The following VAV1 variants were observed in gnomAD, a reference collection of about 807,000 sequenced individuals.
VAV1 encodes vav guanine nucleotide exchange factor 1.
A neutral mutation model predicts 128.1 loss-of-function variants in VAV1; 33 were observed. The observed-to-expected ratio is 0.26, with a 90% CI of 0.20 to 0.34. The LOEUF (loss-of-function observed/expected upper bound fraction) is 0.34, where lower values mean the gene tolerates loss of function less well. Among genes scored for constraint, VAV1 ranks in the 10% least tolerant of loss-of-function variants. The pLI is 1.00. For missense variants in VAV1, 715 were observed against 1,093.7 expected (o/e 0.65, Z 4.88); for synonymous variants, 394 against 409.8 (o/e 0.96, Z 0.47).
chr19:6,833,833 G>T (rs962323927), intron 18 of VAV1, 75 bp from the exon 19 acceptor site: 3 of 1,613,536 alleles, frequency 1.9e-6, no homozygotes, highest in Non-Finnish European at 2.5e-6. Context: ...CCTTTGTGGG[G>T]TGAGGAGAGT....
intron 24 of VAV1, 115 bp downstream of exon 24, chr19:6,850,872 C>G: frequency 1.1e-6 from 1 of 916,464 alleles, no homozygotes; most frequent in African/African-American, 1.7e-5. Context: ...TCCAGTGGCA[C>G]TACAGTGCAA....
chr19:6,786,569 G>C (rs1052595528), intron 1 of VAV1, among the ~76,000 whole-genome samples: 1 of 152,116 alleles, frequency 6.6e-6, no homozygotes, highest in African/African-American at 2.4e-5. Flanking sequence ...GATCACTTGA[G>C]CCCAAAAGTT....
Position 6,820,755 on chromosome 19 carries a change from C to T in VAV1, c.258C>T (p.Phe86=), listed in dbSNP as rs534653385. ...RTFLSTCCEK[F]GLKRSELFEA... ...TCCTGTCCACCTGCTGTGAGAAGTT[C>T]GGCCTCAAGCGGAGCGAGCTCTTCG... Residue 86 remains phenylalanine (F), a synonymous_variant, in exon 2 of 27, where the codon TTC becomes TTT. Coordinates refer to ENST00000602142, the MANE Select transcript of VAV1 (RefSeq NM_005428.4). The surrounding 1 kb of genome is among the most constrained non-coding windows in gnomAD (Gnocchi z 4.4). 126 of 1,614,042 alleles carry T rather than the reference C, an allele frequency of 7.8e-5. No individual in the cohort carries two copies. In the Middle Eastern group the frequency reaches 8.2e-4, roughly 11 times the overall value.
Position 6,822,718 on chromosome 19 carries a change from A to T in VAV1, c.654+204A>T, listed in dbSNP as rs556019739. On this transcript the variant is annotated intron_variant, in intron 6 of 26. Transcript: ENST00000602142. The surrounding 1 kb of genome is among the most constrained non-coding windows in gnomAD (Gnocchi z 5.9). ...AGTCTGACGTATATATATATTAAAA[A>T]ATATATATAAAATATAGGACACTGC... Among the ~76,000 whole-genome samples, 11 of 148,828 alleles carry T rather than the reference A, an allele frequency of 7.4e-5. No homozygotes were observed. In the East Asian group the frequency reaches 1.4e-3, roughly 18 times the overall value.
In VAV1 at chr19:6,772,805, G is replaced by T; in HGVS notation, c.-3G>T. 10 of 1,612,688 alleles carry T rather than the reference G, an allele frequency of 6.2e-6. No individual in the cohort carries two copies. The highest frequency in any genetic ancestry group is 8.5e-6 in the Non-Finnish European group (10 of 1,179,530). On this transcript the variant is annotated 5_prime_UTR_variant, in exon 1 of 27. Transcript: ENST00000602142. The surrounding 1 kb of genome is among the most constrained non-coding windows in gnomAD (Gnocchi z 4.8). ...CACGGCCGGCCCTGGGCAGGCGGTA[G>T]CCATGGAGCTGTGGCGCCAATGCAC...
intron 1 of VAV1, among the ~76,000 whole-genome samples, chr19:6,800,299 C>T (rs1971237441): frequency 7.0e-6 from 1 of 143,462 alleles, no homozygotes; most frequent in Non-Finnish European, 1.5e-5. Context: ...CTCTTCTTTG[C>T]TTCACTATCT....
chr19:6,807,860 A>T (rs887547797), intron 1 of VAV1, among the ~76,000 whole-genome samples: 5 of 151,674 alleles, frequency 3.3e-5, no homozygotes, highest in African/African-American at 9.7e-5. Flanking sequence ...GCTTGGTGGC[A>T]CACACCTGTA....
At chr19:6,834,270 G>T (rs1243753174) in intron 19 of VAV1, among the ~76,000 whole-genome samples, 5 of 151,446 alleles carry the variant, frequency 3.3e-5, no homozygotes, top group Non-Finnish European at 7.4e-5. Context: ...TGGAGATGGA[G>T]TCTTGCTGTG....
intron 1 of VAV1, among the ~76,000 whole-genome samples, chr19:6,817,381 TTATGG>T (rs1343664866): frequency 3.9e-5 from 6 of 151,960 alleles, no homozygotes; most frequent in Non-Finnish European, 8.8e-5. Context: ...GCAAATATTG[TTATGG>T]TAGGGGCACA....
At chr19:6,852,517 C>T (rs910606003) in intron 24 of VAV1, among the ~76,000 whole-genome samples, 2 of 152,018 alleles carry the variant, frequency 1.3e-5, no homozygotes, top group Non-Finnish European at 2.9e-5. Flanking sequence ...GTCAGGAGAT[C>T]GAGACCATCC....
chr19:6,816,089 G>A (rs766357198), intron 1 of VAV1, among the ~76,000 whole-genome samples: 37 of 146,940 alleles, frequency 2.5e-4, no homozygotes, highest in African/African-American at 9.0e-4. Context: ...GCGCAATCTC[G>A]GCTCACTGCA....
rs771147677 is a variant in VAV1 at position 6,828,923 on chromosome 19, T to C, written c.1265+23T>C. On this transcript the variant is annotated intron_variant, in intron 13 of 26. Transcript: ENST00000602142. This position sits in a 1 kb window ranked among gnomAD's most constrained non-coding sequence, Gnocchi z 4.5. ...CAGGTGGGTGGAGTCAACATGGATC[T>C]GGGATGGAGCCTGGGCAAAGGGGTG... 6 of 1,612,890 alleles carry C rather than the reference T, an allele frequency of 3.7e-6. No homozygotes were observed. The highest frequency in any genetic ancestry group is 3.3e-4 in the Middle Eastern group (2 of 6,082).
chr19:6,838,102 T>TCTAA (rs1306383096), intron 21 of VAV1, among the ~76,000 whole-genome samples: 1 of 133,588 alleles, frequency 7.5e-6, no homozygotes, highest in Non-Finnish European at 1.6e-5. Context: ...TGTCTGTCTA[T>TCTAA]CTATCTATCT....
At position 6,777,561 on chromosome 19, in the gene VAV1, G is replaced by A. The variant is rs966622928; in HGVS notation, c.204+4550G>A. Among the ~76,000 whole-genome samples, 1 of 152,182 alleles carries A rather than the reference G, an allele frequency of 6.6e-6. No individual in the cohort carries two copies. Among genetic ancestry groups the A allele is most frequent in the African/African-American group, 2.4e-5 (1 of 41,452 alleles). On this transcript the variant is annotated intron_variant, in intron 1 of 26. Transcript: ENST00000602142. The surrounding 1 kb of genome is among the most constrained non-coding windows in gnomAD (Gnocchi z 4.4). ...TGGGGAAAATTAAGGAATGAATCAT[G>A]TGGATCTGGGGAAATGGTGTTCCAG...
At chr19:6,773,156 G>C (rs1036445591) in intron 1 of VAV1, 145 bp downstream of exon 1, 1 of 1,130,700 alleles carries the variant, frequency 8.8e-7, no homozygotes, top group Non-Finnish European at 1.3e-6. Flanking sequence ...GGCCCAGGGG[G>C]TGGTCACAAT....
In VAV1 at chr19:6,820,850, G is replaced by C; in HGVS notation, c.321+32G>C. On this transcript the variant is annotated intron_variant, in intron 2 of 26. Coordinates refer to ENST00000602142, the MANE Select transcript of VAV1 (RefSeq NM_005428.4). This position sits in a 1 kb window ranked among gnomAD's most constrained non-coding sequence, Gnocchi z 4.4. ...TGCACACTTGAAGCCCAAAGACTGA[G>C]TTTCAGTTAATTTCTATTGACGTCT... The C allele has an allele frequency of 3.8e-6, 6 of 1,597,460 alleles. No homozygotes were observed. The highest frequency in any genetic ancestry group is 5.2e-6 in the Non-Finnish European group (6 of 1,164,970).
At chr19:6,849,193 C>T (rs865816803) in intron 23 of VAV1, among the ~76,000 whole-genome samples, 2 of 151,436 alleles carry the variant, frequency 1.3e-5, no homozygotes, top group South Asian at 4.2e-4. Context: ...ATGATCCCAA[C>T]ACCCAGGGAG....
In VAV1 at chr19:6,833,613, C is replaced by T. The variant is rs912574175; in HGVS notation, c.1696C>T (p.Arg566Ter). ...TCTGGGGAGGGTCCCTCCATGTGGC[C>T]GACATGGGCAAGGTACGAGTGGGAG... ...ECLGRVPPCGRHGQDFPGTMK... is the reference protein window; with the variant it reads ...ECLGRVPPCG The change falls in exon 17 of 27, where the codon CGA (arginine) becomes TGA (stop). Residue 566 changes from arginine (R) to a stop codon, truncating the protein, a stop_gained. Transcript: ENST00000602142. LOFTEE classifies it high-confidence loss of function. The T allele has an allele frequency of 6.2e-7, 1 of 1,613,702 alleles. No homozygotes were observed. The highest frequency in any genetic ancestry group is 8.5e-7 in the Non-Finnish European group (1 of 1,179,850).
intron 1 of VAV1, among the ~76,000 whole-genome samples, chr19:6,785,133 G>A (rs2144701848): frequency 6.6e-6 from 1 of 152,204 alleles, no homozygotes; most frequent in South Asian, 2.1e-4. Flanking sequence ...TATACACGGT[G>A]AGTGTTCTCT....
Sources: gnomAD v4.1 joint callset for allele counts (sites outside exome capture counted in the v4.1 genomes callset) on GRCh38, gnomAD v4.1.1 for gene constraint, Gnocchi (gnomAD v3.1) non-coding constraint, MANE v1.5 for transcripts, NCBI Gene and HGNC (gene_info 2026-07-23, HGNC 2026-07-21) for gene names.